Variants in RBFOX1 observed in about 807,000 individuals in gnomAD.
RBFOX1 encodes the protein RNA binding protein fox-1 homolog 1.
In RBFOX1, 8 loss-of-function variants were observed where a neutral mutation model predicts 57.7. The observed-to-expected ratio is 0.14, with a 90% CI of 0.08 to 0.25. The LOEUF (loss-of-function observed/expected upper bound fraction) is 0.25, where lower values mean the gene tolerates loss of function less well. Ranked by LOEUF, RBFOX1 falls within the 10% of genes least tolerant of loss-of-function variation. The pLI is 1.00. For missense variants in RBFOX1, 611 were observed against 548.5 expected, an observed-to-expected ratio of 1.11 and a Z score of -1.14; for synonymous variants, 326 against 222.4, an observed-to-expected ratio of 1.47 and a Z score of -4.15.
chr16:6,647,678 T>G (rs2098544970), intron 2 of RBFOX1, among the ~76,000 whole-genome samples: 1 of 152,166 alleles, frequency 6.6e-6, no homozygotes, highest in South Asian at 2.1e-4. Context: ...ATTCAGTCCA[T>G]CATACTACGT....
At chr16:6,803,755 T>A (rs1002263922) in intron 3 of RBFOX1, among the ~76,000 whole-genome samples, 1 of 152,048 alleles carries the variant, frequency 6.6e-6, no homozygotes, top group African/African-American at 2.4e-5. Context: ...GAGAATCTAT[T>A]ACTTGTGAGA....
chr16:6,908,213 T>C (rs566319474), intron 3 of RBFOX1, among the ~76,000 whole-genome samples: 2 of 151,796 alleles, frequency 1.3e-5, no homozygotes, highest in African/African-American at 4.8e-5. Flanking sequence ...TGCTCAGCAT[T>C]GTGTTGCCTG....
At chr16:7,351,361 AT>A (rs1471080352) in intron 4 of RBFOX1, among the ~76,000 whole-genome samples, 2 of 152,276 alleles carry the variant, frequency 1.3e-5, no homozygotes, top group Non-Finnish European at 1.5e-5. Context: ...TTCTTTAGAC[AT>A]GTATTAATCA....
At chr16:7,051,035 G>T (rs2049892643) in intron 3 of RBFOX1, among the ~76,000 whole-genome samples, 1 of 151,764 alleles carries the variant, frequency 6.6e-6, no homozygotes, top group African/African-American at 2.4e-5. Context: ...ATCAAAAGTT[G>T]GTTCCTAAAC....
chr16:6,095,311 A>G (rs2096231464), intron 1 of RBFOX1, among the ~76,000 whole-genome samples: 1 of 152,232 alleles, frequency 6.6e-6, no homozygotes, highest in Non-Finnish European at 1.5e-5. Flanking sequence ...TGGGTTTGTA[A>G]GTGACCAGGG....
At chr16:5,631,652 T>C (rs1215038534) in intron 3 of RBFOX1, among the ~76,000 whole-genome samples, 2 of 152,222 alleles carry the variant, frequency 1.3e-5, no homozygotes, top group South Asian at 2.1e-4. Context: ...TCTGCATTCA[T>C]GTTTCCCACC....
intron 2 of RBFOX1, among the ~76,000 whole-genome samples, chr16:6,444,429 T>A (rs2153032986): frequency 6.6e-6 from 1 of 152,266 alleles, no homozygotes; most frequent in Non-Finnish European, 1.5e-5. Flanking sequence ...GGGAATTGAA[T>A]CATGGGAGTG....
chr16:6,851,696 C>G (rs1230959763), intron 3 of RBFOX1, among the ~76,000 whole-genome samples: 1 of 152,110 alleles, frequency 6.6e-6, no homozygotes, highest in Non-Finnish European at 1.5e-5. Context: ...ATAACAATTT[C>G]AATGCCAGGC....
Position 5,610,071 on chromosome 16 carries a change from G to T in RBFOX1, c.318+11110G>T, listed in dbSNP as rs201308671. 2.9e-3 allele frequency among the ~76,000 whole-genome samples: 440 copies of T among 152,270 alleles called. 4 individuals carry two copies. The highest frequency in any genetic ancestry group is 0.01 in the African/African-American group (428 of 41,560). On this transcript the variant is annotated intron_variant, in intron 3 of 19. Coordinates refer to the RBFOX1 transcript ENST00000641259. ...ACTGAGCACCACCCTCTGACATCCA[G>T]TGTATTTTACTTACTTGCCGGCTTG...
At chr16:7,669,482 G>A (rs1376539667) in intron 13 of RBFOX1, among the ~76,000 whole-genome samples, 1 of 152,184 alleles carries the variant, frequency 6.6e-6, no homozygotes, top group African/African-American at 2.4e-5. Flanking sequence ...AGGATATAGA[G>A]TATAAATGTT....
chr16:7,616,748 T>G (rs1415155854), intron 10 of RBFOX1, among the ~76,000 whole-genome samples: 1 of 152,114 alleles, frequency 6.6e-6, no homozygotes, highest in Non-Finnish European at 1.5e-5. Context: ...GCCAGGCTGG[T>G]CTTGAACTCC....
intron 3 of RBFOX1, among the ~76,000 whole-genome samples, chr16:5,846,491 AC>A (rs946491829): frequency 6.6e-6 from 1 of 151,918 alleles, no homozygotes; most frequent in Admixed American, 6.6e-5. Flanking sequence ...ATTCCTCACA[AC>A]CCCCCAAGGA....
At chr16:5,939,824 G>T (rs1045134234) in intron 4 of RBFOX1, among the ~76,000 whole-genome samples, 1 of 152,196 alleles carries the variant, frequency 6.6e-6, no homozygotes, top group Non-Finnish European at 1.5e-5. Flanking sequence ...GCCATACCCT[G>T]ACCATATGGA....
intron 4 of RBFOX1, among the ~76,000 whole-genome samples, chr16:7,252,685 C>T (rs1435128637): frequency 6.7e-6 from 1 of 150,264 alleles, no homozygotes; most frequent in Admixed American, 6.6e-5. Flanking sequence ...TAACCTTTTT[C>T]ATTTACATCC....
intron 4 of RBFOX1, among the ~76,000 whole-genome samples, chr16:5,898,519 A>G (rs1318704083): frequency 7.1e-6 from 1 of 141,206 alleles, no homozygotes; most frequent in Non-Finnish European, 1.6e-5. Flanking sequence ...AAGCAACAGT[A>G]GCAGGGTTTT....
At chr16:6,818,885 C>A (rs151138037) in intron 3 of RBFOX1, among the ~76,000 whole-genome samples, 1 of 152,292 alleles carries the variant, frequency 6.6e-6, no homozygotes, top group Non-Finnish European at 1.5e-5. Flanking sequence ...ACATGGAATT[C>A]TTTGGAAAGA....
chr16:7,482,892 G>A lies in RBFOX1; in HGVS notation c.28-35255G>A, dbSNP rs537654834. Reference sequence around the variant, plus strand: ...ATGTTGCAGAAGCAAAGACTGAGAGGGGGGCAGCTTTTGGCTGCAATTAAC... The same window carrying A: ...ATGTTGCAGAAGCAAAGACTGAGAGAGGGGCAGCTTTTGGCTGCAATTAAC... On this transcript the variant is annotated intron_variant, in intron 4 of 15. Coordinates refer to ENST00000550418, the MANE Select transcript of RBFOX1 (RefSeq NM_018723.4). Among the ~76,000 whole-genome samples the A allele has an allele frequency of 3.3e-5, 5 of 152,190 alleles. No homozygotes were observed. The East Asian group carries it at 7.7e-4, about 24-fold the overall frequency.
intron 1 of RBFOX1, among the ~76,000 whole-genome samples, chr16:5,336,200 G>A (rs964504792): frequency 2.8e-4 from 42 of 152,146 alleles, no homozygotes; most frequent in Admixed American, 2.7e-3. Context: ...AGAAAGCCAG[G>A]TCTGCTGCTC....
rs140981958 is a variant in RBFOX1, at chr16:7,439,190, G to A, written c.28-78957G>A. Among the ~76,000 whole-genome samples the A allele has an allele frequency of 5.3e-3, 807 of 152,184 alleles. 11 individuals carry two copies. The highest frequency in any genetic ancestry group is 0.019 in the African/African-American group (780 of 41,528). On this transcript the variant is annotated intron_variant, in intron 4 of 15. Coordinates refer to ENST00000550418, the MANE Select transcript of RBFOX1 (RefSeq NM_018723.4). ...TTCGCGCTGTGTCGTCTTCACCATTGCAGGAGGCCTTGAACTCAGAAAATC... is the reference window on the plus strand; with the variant it reads ...TTCGCGCTGTGTCGTCTTCACCATTACAGGAGGCCTTGAACTCAGAAAATC...
Sources: allele counts gnomAD v4.1 joint callset (sites outside exome capture counted in the v4.1 genomes callset), GRCh38; gene constraint gnomAD v4.1.1; transcripts MANE v1.5; gene names NCBI Gene and HGNC (gene_info 2026-07-23, HGNC 2026-07-21).